The following ARHGAP10 variants were observed in gnomAD, a reference collection of about 807,000 sequenced individuals.
The protein encoded by ARHGAP10 is Rho GTPase activating protein 10, also known as rho GTPase-activating protein 10.
Under a neutral mutation model 108.6 loss-of-function variants are expected in ARHGAP10, and 87 were observed. That is an observed-to-expected ratio of 0.80 (90% CI 0.67 to 0.96). The LOEUF is 0.96. Among genes scored for constraint, ARHGAP10 ranks in the 40% least tolerant of loss-of-function variants. The pLI is 0.00. For synonymous variants in ARHGAP10, 347 were observed against 341.1 expected (o/e 1.02, Z -0.19); for missense variants, 939 against 954.5 (o/e 0.98, Z 0.21).
chr4:148,058,469 G>C (rs1420702570), intron 20 of ARHGAP10, among the ~76,000 whole-genome samples: 1 of 152,178 alleles, frequency 6.6e-6, no homozygotes, highest in Non-Finnish European at 1.5e-5. Flanking sequence ...TCAGGGGCTT[G>C]TATCTCTAGT....
At chr4:147,971,093 CAAAAAAAAAAAAA>C (rs59721708) in intron 18 of ARHGAP10, among the ~76,000 whole-genome samples, 3 of 74,272 alleles carry the variant, frequency 4.0e-5, no homozygotes, top group African/African-American at 1.4e-4. Context: ...GACTCTGTCT[CAAAAAAAAAAAAA>C]AAAAAAAAAG....
Position 147,732,154 on chromosome 4 carries a change from A to C in ARHGAP10, c.-148A>C. On this transcript the variant is annotated 5_prime_UTR_variant, in exon 1 of 23. Transcript: ENST00000336498. The stretch of plus-strand genomic sequence containing the variant: ...GCGCCGCAGGACTCGGCTCTACGGG[A>C]CATGTCCGTGCCGCGCTCGCCGCGC... 1 of 639,460 alleles carries C rather than the reference A, an allele frequency of 1.6e-6. No individual in the cohort carries two copies. Among genetic ancestry groups the C allele is most frequent in the Non-Finnish European group, 2.3e-6 (1 of 434,804 alleles). The allele number at this position is 639,460 out of a possible 1,614,324, so 39.6% of individuals were successfully genotyped here. A position where few individuals can be genotyped will look rare whatever the true frequency, so the allele number is the denominator to read the frequency against.
chr4:147,881,136 T>G (rs1373188931), intron 9 of ARHGAP10, among the ~76,000 whole-genome samples: 1 of 151,796 alleles, frequency 6.6e-6, no homozygotes, highest in African/African-American at 2.4e-5. Flanking sequence ...TAGCCAGTCA[T>G]GGTGATGCAC....
chr4:147,913,608 T>TTTC (rs1179671877), intron 13 of ARHGAP10, among the ~76,000 whole-genome samples: 1 of 152,138 alleles, frequency 6.6e-6, no homozygotes, highest in Non-Finnish European at 1.5e-5. Flanking sequence ...CATGTCGAAG[T>TTTC]TTCTTCTTAT....
chr4:147,732,233 C>T lies in ARHGAP10; in HGVS notation c.-69C>T. The stretch of plus-strand genomic sequence containing the variant: ...CCTGAACGCGCGGCGCCGCACCTGG[C>T]AGCGGCCTCGGAGCTCGGCTCGGGC... On this transcript the variant is annotated 5_prime_UTR_variant, in exon 1 of 23. Coordinates refer to ENST00000336498, the MANE Select transcript of ARHGAP10 (RefSeq NM_024605.4). The T allele has an allele frequency of 7.0e-7, 1 of 1,423,906 alleles. No individual in the cohort carries two copies. Among genetic ancestry groups the T allele is most frequent in the Non-Finnish European group, 9.1e-7 (1 of 1,093,246 alleles). 88.2% of individuals were successfully genotyped at this position (1,423,906 alleles called of 1,614,324 possible). A position where few individuals can be genotyped will look rare whatever the true frequency, so the allele number is the denominator to read the frequency against.
intron 19 of ARHGAP10, among the ~76,000 whole-genome samples, chr4:148,042,397 A>G (rs1728670949): frequency 6.6e-6 from 1 of 152,162 alleles, no homozygotes; most frequent in South Asian, 2.1e-4. Context: ...TCTTTACCCT[A>G]CATCATGCAC....
chr4:147,905,442 T>C (rs1736445832), intron 10 of ARHGAP10, among the ~76,000 whole-genome samples: 1 of 137,224 alleles, frequency 7.3e-6, no homozygotes, highest in African/African-American at 2.8e-5. Context: ...GTTTCAGCTT[T>C]CTACATATGG....
chr4:147,902,948 T>A (rs1736310371), intron 10 of ARHGAP10, among the ~76,000 whole-genome samples: 1 of 151,910 alleles, frequency 6.6e-6, no homozygotes, highest in Non-Finnish European at 1.5e-5. Context: ...GCAGGCTATA[T>A]ACTTTCCAAA....
At chr4:147,883,045 A>G (rs1735394732) in intron 10 of ARHGAP10, among the ~76,000 whole-genome samples, 1 of 152,182 alleles carries the variant, frequency 6.6e-6, no homozygotes, top group African/African-American at 2.4e-5. Context: ...CTTAGATGAT[A>G]TAGTTGAGTC....
chr4:147,789,414 T>G (rs112077895), intron 1 of ARHGAP10, among the ~76,000 whole-genome samples: 2 of 152,186 alleles, frequency 1.3e-5, no homozygotes, highest in African/African-American at 4.8e-5. Flanking sequence ...TTCAGCCTCC[T>G]GGGTAGCTCG....
intron 18 of ARHGAP10, among the ~76,000 whole-genome samples, chr4:148,013,913 ATCC>A (rs1417866164): frequency 1.3e-5 from 2 of 152,284 alleles, no homozygotes; most frequent in East Asian, 3.9e-4. Context: ...CTTCTTGGGT[ATCC>A]TCAGGACTTT....
At chr4:147,907,862 C>G (rs937334133) in intron 11 of ARHGAP10, among the ~76,000 whole-genome samples, 1 of 152,004 alleles carries the variant, frequency 6.6e-6, no homozygotes, top group African/African-American at 2.4e-5. Context: ...ATTGATTGAT[C>G]GATGGAATCT....
intron 1 of ARHGAP10, among the ~76,000 whole-genome samples, chr4:147,739,894 C>A (rs930757969): frequency 6.6e-6 from 1 of 151,432 alleles, no homozygotes; most frequent in Admixed American, 6.6e-5. Flanking sequence ...TGCCACCACA[C>A]CCGGCTAATT....
Position 147,763,263 on chromosome 4 carries a change from A to G in ARHGAP10, c.154+30808A>G, listed in dbSNP as rs377181225. Among the ~76,000 whole-genome samples, 4 of 151,938 alleles carry G rather than the reference A, an allele frequency of 2.6e-5. No homozygotes were observed. In the East Asian group the frequency reaches 5.8e-4, roughly 22 times the overall value. ...ACATTATCTGAGATGTACTAAAACA[A>G]GTTTGCTGGAATTAATGATAATGGT... On this transcript the variant is annotated intron_variant, in intron 1 of 22. Coordinates refer to ENST00000336498, the MANE Select transcript of ARHGAP10 (RefSeq NM_024605.4).
chr4:147,955,795 A>G lies in ARHGAP10; in HGVS notation c.1450+421A>G, dbSNP rs1738768143. Among the ~76,000 whole-genome samples, 6 of 152,280 alleles carry G rather than the reference A, an allele frequency of 3.9e-5. No individual in the cohort carries two copies. In the South Asian group the frequency reaches 1.2e-3, roughly 32 times the overall value. On this transcript the variant is annotated intron_variant, in intron 16 of 22. Coordinates refer to ENST00000336498, the MANE Select transcript of ARHGAP10 (RefSeq NM_024605.4). ...AGATTAGTAGTTTGGAGGTGGCTTC[A>G]CATAGACAGATACTCGGATCTAAAT... is the stretch of plus-strand genomic sequence containing the variant.
intron 19 of ARHGAP10, among the ~76,000 whole-genome samples, chr4:148,030,080 G>T (rs1728073149): frequency 6.7e-6 from 1 of 149,034 alleles, no homozygotes; most frequent in African/African-American, 2.5e-5. Context: ...CTGTGCTTCT[G>T]TGTGGGATGA....
intron 10 of ARHGAP10, among the ~76,000 whole-genome samples, chr4:147,891,846 C>A (rs1378231804): frequency 6.6e-6 from 1 of 152,084 alleles, no homozygotes; most frequent in Admixed American, 6.5e-5. Context: ...GGAGGTGTAG[C>A]TTTCTTCCCT....
chr4:148,015,119 A>G (rs1741300226), intron 18 of ARHGAP10, among the ~76,000 whole-genome samples: 1 of 152,150 alleles, frequency 6.6e-6, no homozygotes, highest in African/African-American at 2.4e-5. Flanking sequence ...ACTGATAGGT[A>G]GCAGCAGGAC....
At chr4:147,934,609 A>G (rs1171426409) in intron 13 of ARHGAP10, among the ~76,000 whole-genome samples, 3 of 152,158 alleles carry the variant, frequency 2.0e-5, no homozygotes, top group Non-Finnish European at 2.9e-5. Context: ...GCCCTGAGGC[A>G]GTAGGACCAC....
Sources: gnomAD v4.1 joint callset for allele counts (sites outside exome capture counted in the v4.1 genomes callset) on GRCh38, gnomAD v4.1.1 for gene constraint, MANE v1.5 for transcripts, NCBI Gene and HGNC (gene_info 2026-07-23, HGNC 2026-07-21) for gene names.